Variants in FDFT1 observed in about 807,000 individuals in gnomAD.
The protein encoded by FDFT1 is squalene synthase.
FDFT1 carries 68 observed loss-of-function variants against 46.8 expected under a neutral mutation model. That is an observed-to-expected ratio of 1.45 (90% CI 1.19 to 1.78). FDFT1 has a LOEUF of 1.78. Among genes scored for constraint, FDFT1 ranks in the 40% most tolerant of loss-of-function variants. The pLI is 0.00. For missense variants in FDFT1, 928 were observed against 524.4 expected, an observed-to-expected ratio of 1.77 and a Z score of -7.52; for synonymous variants, 351 against 185.1, an observed-to-expected ratio of 1.90 and a Z score of -7.28.
Position 11,821,883 on chromosome 8 carries a change from G to A in FDFT1, c.510+5G>A. 6.2e-7 allele frequency: 1 copy of A among 1,612,290 alleles called. No homozygotes were observed. The highest frequency in any genetic ancestry group is 8.5e-7 in the Non-Finnish European group (1 of 1,178,752). On this transcript the variant is annotated splice_donor_5th_base_variant and intron_variant, in intron 4 of 7. Coordinates refer to ENST00000220584, the MANE Select transcript of FDFT1 (RefSeq NM_004462.5). ...TCTGAACAGGAGTGGGACAAGGTTA[G>A]TCTCATAAAACAGTGTCTGTGTGTG...
chr8:11,796,722 C>G (rs908459478), intron 1 of FDFT1, among the ~76,000 whole-genome samples: 5 of 152,204 alleles, frequency 3.3e-5, no homozygotes, highest in African/African-American at 1.2e-4. Context: ...TTGCAAGAGT[C>G]CTGACCATTT....
chr8:11,813,423 C>G (rs6991234), intron 3 of FDFT1, among the ~76,000 whole-genome samples: 8 of 152,004 alleles, frequency 5.3e-5, no homozygotes, highest in Non-Finnish European at 7.4e-5. Flanking sequence ...TGATCTATAA[C>G]ATCGTTTAAC....
chr8:11,829,401 T>G (rs193262114), intron 5 of FDFT1, among the ~76,000 whole-genome samples: 10 of 152,336 alleles, frequency 6.6e-5, no homozygotes, highest in African/African-American at 2.4e-4. Flanking sequence ...TTATTTCACT[T>G]TCAAGTTATC....
intron 1 of FDFT1, chr8:11,808,179 A>G (rs1285115397): frequency 1.1e-6 from 1 of 869,696 alleles, no homozygotes; most frequent in Non-Finnish European, 1.4e-6. Context: ...AGATGCGTTG[A>G]GTACAAAGTC....
intron 7 of FDFT1, among the ~76,000 whole-genome samples, chr8:11,833,207 G>A (rs918695378): frequency 2.0e-5 from 3 of 152,152 alleles, no homozygotes; most frequent in Non-Finnish European, 4.4e-5. Flanking sequence ...TTGCCATGTA[G>A]CCAGAACTTA....
chr8:11,810,933 TAAAAAAAAAAA>T (rs71539744), intron 3 of FDFT1, among the ~76,000 whole-genome samples: 10 of 89,448 alleles, frequency 1.1e-4, no homozygotes, highest in South Asian at 4.2e-4. Context: ...GAGCAATATT[TAAAAAAAAAAA>T]AAAAAAAAAA....
At chr8:11,804,699 T>A (rs1485088955) in intron 1 of FDFT1, among the ~76,000 whole-genome samples, 1 of 142,000 alleles carries the variant, frequency 7.0e-6, no homozygotes, top group Non-Finnish European at 1.5e-5. Context: ...CTCCGCCTCC[T>A]GGGTTCAAGC....
chr8:11,825,215 C>T (rs946397503), intron 4 of FDFT1, among the ~76,000 whole-genome samples: 3 of 152,086 alleles, frequency 2.0e-5, no homozygotes, highest in African/African-American at 4.8e-5. Context: ...TTCATCGTTG[C>T]CTTCTCTCAT....
chr8:11,826,031 A>G lies in FDFT1; in HGVS notation c.518A>G (p.His173Arg), dbSNP rs1809927669. 1.3e-6 allele frequency: 2 copies of G among 1,577,264 alleles called. No homozygotes were observed. Among genetic ancestry groups the G allele is most frequent in the Non-Finnish European group, 1.7e-6 (2 of 1,153,220 alleles). ...TSEQEWDKYC[H>R]YVAGLVGIGL... Reference sequence around the variant, plus strand: ...AAAAATCGTCTCTTACAGTACTGCCACTATGTTGCTGGGCTGGTCGGAATT... The same window carrying G: ...AAAAATCGTCTCTTACAGTACTGCCGCTATGTTGCTGGGCTGGTCGGAATT... The change falls in exon 5 of 8, where the codon CAC (histidine) becomes CGC (arginine). Residue 173 changes from histidine to arginine, a missense_variant. By Grantham distance (29) the His-to-Arg change is conservative (BLOSUM62 0). Transcript: ENST00000220584.
intron 7 of FDFT1, among the ~76,000 whole-genome samples, chr8:11,832,595 CTT>C (rs1810990029): frequency 7.7e-6 from 1 of 130,508 alleles, no homozygotes; most frequent in African/African-American, 2.7e-5. Flanking sequence ...GACCAGAAGT[CTT>C]TGTAATCTCT....
intron 4 of FDFT1, among the ~76,000 whole-genome samples, chr8:11,823,350 A>G (rs923446622): frequency 1.3e-5 from 2 of 152,170 alleles, no homozygotes; most frequent in Admixed American, 6.5e-5. Flanking sequence ...ATCTTCAAAT[A>G]TATTTTTGGA....
chr8:11,808,308 G>GT, intron 1 of FDFT1: 7 of 1,227,738 alleles, frequency 5.7e-6, no homozygotes, highest in Non-Finnish European at 7.1e-6. Context: ...TTAGCGGCCA[G>GT]TGGGTTCTGG....
In FDFT1 at chr8:11,830,312, G is replaced by C; in HGVS notation, c.771G>C (p.Gln257His). The part of the protein sequence containing the change: ...AKPENIDLAV[Q>H]CLNELITNAL... ...CGGAGAATATTGACTTGGCCGTGCAGTGCCTGAATGAACTTATAACCAATG... is the reference window on the plus strand; with the variant it reads ...CGGAGAATATTGACTTGGCCGTGCACTGCCTGAATGAACTTATAACCAATG... The change falls in exon 6 of 8, where the codon CAG (glutamine) becomes CAC (histidine). Residue 257 changes from glutamine (Q) to histidine (H), a missense_variant. Transcript: ENST00000220584. The C allele has an allele frequency of 6.2e-7, 1 of 1,613,894 alleles. No homozygotes were observed. Among genetic ancestry groups the C allele is most frequent in the Non-Finnish European group, 8.5e-7 (1 of 1,179,770 alleles).
chr8:11,824,202 C>T (rs1385696962), intron 4 of FDFT1, among the ~76,000 whole-genome samples: 5 of 151,992 alleles, frequency 3.3e-5, no homozygotes, highest in African/African-American at 9.7e-5. Flanking sequence ...AGCTTACCTT[C>T]TTTACTTTTG....
At chr8:11,831,450 C>A (rs1585995938) in intron 6 of FDFT1, 68 bp from the exon 7 acceptor site, 5 of 1,457,712 alleles carry the variant, frequency 3.4e-6, no homozygotes, top group African/African-American at 2.8e-5. Context: ...GGTTTTCTTA[C>A]CTTTTTGTGA....
At chr8:11,803,593 GTT>G in intron 1 of FDFT1, 2 of 676,912 alleles carry the variant, frequency 3.0e-6, no homozygotes, top group Non-Finnish European at 4.0e-6. Flanking sequence ...CATAGGAGGT[GTT>G]TTTATTCCAA....
chr8:11,813,072 A>T (rs1807959465), intron 3 of FDFT1, among the ~76,000 whole-genome samples: 1 of 152,234 alleles, frequency 6.6e-6, no homozygotes, highest in African/African-American at 2.4e-5. Context: ...ATGGTACTGT[A>T]CTGAATACTG....
At position 11,804,927 on chromosome 8, in the gene FDFT1, A is replaced by AGG. The variant is rs34486675; in HGVS notation, c.99+2003_99+2004dup. ...CCCGGCCTTTTTTTTTTTTTTTTTG[A>AGG]GGGGGGGGTCTCACTCCATCGTCCA... On this transcript the variant is annotated intron_variant, in intron 1 of 7. Coordinates refer to ENST00000220584, the MANE Select transcript of FDFT1 (RefSeq NM_004462.5). 5.5e-3 allele frequency among the ~76,000 whole-genome samples: 664 copies of AGG among 120,954 alleles called. 4 individuals carry two copies. The highest frequency in any genetic ancestry group is 6.8e-3 in the African/African-American group (198 of 29,064). The allele number at this position is 120,954 out of a possible 152,430, so 79.4% of individuals were successfully genotyped here. A position where few individuals can be genotyped will look rare whatever the true frequency, so the allele number is the denominator to read the frequency against.
At chr8:11,831,384 T>C (rs571644700) in intron 6 of FDFT1, 134 bp from the exon 7 acceptor site, 20 of 709,012 alleles carry the variant, frequency 2.8e-5, no homozygotes, top group Admixed American at 1.1e-4. Flanking sequence ...GGGTATTTTT[T>C]CTTGAGCGAT....
Sources: gnomAD v4.1 joint callset for allele counts (sites outside exome capture counted in the v4.1 genomes callset) on GRCh38, gnomAD v4.1.1 for gene constraint, MANE v1.5 for transcripts, NCBI Gene and HGNC (gene_info 2026-07-23, HGNC 2026-07-21) for gene names.